Variants in DYNC1I2 observed in about 807,000 individuals in gnomAD.
The protein encoded by DYNC1I2 is dynein cytoplasmic 1 intermediate chain 2, also known as cytoplasmic dynein 1 intermediate chain 2.
In DYNC1I2, 53 loss-of-function variants were observed where a neutral mutation model predicts 88.6. That is an observed-to-expected ratio of 0.60 (90% CI 0.48 to 0.75). The LOEUF (loss-of-function observed/expected upper bound fraction) is 0.75, where lower values mean the gene tolerates loss of function less well. Ranked by LOEUF, DYNC1I2 falls within the 30% of genes least tolerant of loss-of-function variation. DYNC1I2 has a pLI of 0.00. For missense variants in DYNC1I2, 458 were observed against 766.6 expected, an observed-to-expected ratio of 0.60 and a Z score of 4.75; for synonymous variants, 198 against 254.6, an observed-to-expected ratio of 0.78 and a Z score of 2.12.
At chr2:171,743,618 T>C (rs973689645) in intron 15 of DYNC1I2, among the ~76,000 whole-genome samples, 1 of 152,184 alleles carries the variant, frequency 6.6e-6, no homozygotes, top group Non-Finnish European at 1.5e-5. Context: ...TTCCACCTGA[T>C]TTTATTTGGA....
At chr2:171,694,038 T>C (rs1033060346) in intron 3 of DYNC1I2, among the ~76,000 whole-genome samples, 1 of 151,832 alleles carries the variant, frequency 6.6e-6, no homozygotes, top group Non-Finnish European at 1.5e-5. Context: ...CATATTTCTT[T>C]CTTCTTTTTT....
intron 5 of DYNC1I2, among the ~76,000 whole-genome samples, chr2:171,709,180 C>A (rs1281462727): frequency 6.6e-6 from 1 of 152,048 alleles, no homozygotes; most frequent in East Asian, 1.9e-4. Context: ...TATGACTCAT[C>A]GTTCCTGATT....
chr2:171,735,068 G>A (rs1452733238), intron 15 of DYNC1I2, among the ~76,000 whole-genome samples: 1 of 152,136 alleles, frequency 6.6e-6, no homozygotes, highest in African/African-American at 2.4e-5. Context: ...CTCATAAATT[G>A]GAAGACTGAA....
In DYNC1I2 at chr2:171,690,654, G is replaced by GTTTT. The variant is rs1212125870; in HGVS notation, c.108+405_108+408dup. Among the ~76,000 whole-genome samples the GTTTT allele has an allele frequency of 2.1e-3, 286 of 136,054 alleles. 4 individuals are homozygous for GTTTT. Among genetic ancestry groups the GTTTT allele is most frequent in the African/African-American group, 7.2e-3 (271 of 37,380 alleles). The allele number at this position is 136,054 out of a possible 152,430, so 89.3% of individuals were successfully genotyped here. A position where few individuals can be genotyped will look rare whatever the true frequency, so the allele number is the denominator to read the frequency against. On this transcript the variant is annotated intron_variant, in intron 2 of 17. Coordinates refer to ENST00000397119, the MANE Select transcript of DYNC1I2 (RefSeq NM_001378.3). ...GCATCTGTATTTTTTTTTGTTTTGG[G>GTTTT]TTTTTTTTTTTTTTTTTGAGACTGG...
At chr2:171,746,776 G>A (rs1051117453) in intron 17 of DYNC1I2, among the ~76,000 whole-genome samples, 1 of 152,178 alleles carries the variant, frequency 6.6e-6, no homozygotes, top group African/African-American at 2.4e-5. Flanking sequence ...CATGTGGCCA[G>A]TAGCTACCCT....
At chr2:171,730,731 T>A (rs2105712472) in intron 15 of DYNC1I2, among the ~76,000 whole-genome samples, 1 of 152,316 alleles carries the variant, frequency 6.6e-6, no homozygotes, top group Non-Finnish European at 1.5e-5. Flanking sequence ...ATCTGCCTTA[T>A]CCTAAATATT....
chr2:171,711,110 C>G (rs1446769934), intron 5 of DYNC1I2, among the ~76,000 whole-genome samples: 1 of 150,328 alleles, frequency 6.7e-6, no homozygotes, highest in Non-Finnish European at 1.5e-5. Flanking sequence ...TGAGTGAGAA[C>G]ATGCGGTGTT....
chr2:171,728,959 G>A, intron 14 of DYNC1I2, 109 bp downstream of exon 14: 1 of 1,253,856 alleles, frequency 8.0e-7, no homozygotes, highest in South Asian at 1.6e-5. Flanking sequence ...TGTTATTTGT[G>A]ACAGATTTTT....
chr2:171,701,358 CG>C, intron 3 of DYNC1I2, among the ~76,000 whole-genome samples: 1 of 152,106 alleles, frequency 6.6e-6, no homozygotes, highest in South Asian at 2.1e-4. Context: ...TTGGTAGAGA[CG>C]GGGTTTCACC....
intron 3 of DYNC1I2, among the ~76,000 whole-genome samples, chr2:171,701,866 A>G (rs1466889425): frequency 3.3e-5 from 5 of 152,198 alleles, no homozygotes; most frequent in Non-Finnish European, 7.4e-5. Context: ...GCGGAATAGT[A>G]TCTTCCTCTT....
intron 15 of DYNC1I2, among the ~76,000 whole-genome samples, chr2:171,730,161 C>T (rs1232467698): frequency 6.6e-6 from 1 of 152,182 alleles, no homozygotes; most frequent in Non-Finnish European, 1.5e-5. Flanking sequence ...CGCATAGCAC[C>T]TCATACAGTT....
chr2:171,706,921 T>G (rs1686725491), intron 4 of DYNC1I2: 3 of 414,724 alleles, frequency 7.2e-6, no homozygotes, highest in Non-Finnish European at 1.3e-5. Flanking sequence ...ATTTATAATC[T>G]GGTGATATTA....
chr2:171,692,888 C>T lies in DYNC1I2; in HGVS notation c.220C>T (p.Pro74Ser). The change falls in exon 3 of 18, where the codon CCC becomes TCC. Residue 74 changes from proline (P) to serine (S), a missense_variant. Coordinates refer to ENST00000397119, the MANE Select transcript of DYNC1I2 (RefSeq NM_001378.3). ...AAGCATGGGGCTAACTCCAGAATCC[C>T]CCATTGGTAAGGTTAAGAATATATC... is the stretch of plus-strand genomic sequence containing the variant. ...LQSMGLTPESPIVFSEYWVPP... is the reference protein window; with the variant it reads ...LQSMGLTPESSIVFSEYWVPP... The T allele has an allele frequency of 6.3e-7, 1 of 1,592,104 alleles. No homozygotes were observed. The highest frequency in any genetic ancestry group is 8.6e-7 in the Non-Finnish European group (1 of 1,167,696).
intron 7 of DYNC1I2, among the ~76,000 whole-genome samples, chr2:171,721,121 TAAAAAAAAAAAA>T (rs1170082849): frequency 8.2e-5 from 5 of 60,786 alleles, no homozygotes; most frequent in East Asian, 4.6e-4. Context: ...CCCCATCTCT[TAAAAAAAAAAAA>T]AAAAAAAAAA....
intron 3 of DYNC1I2, among the ~76,000 whole-genome samples, chr2:171,697,327 T>G (rs1297667899): frequency 6.6e-6 from 1 of 152,114 alleles, no homozygotes; most frequent in East Asian, 1.9e-4. Flanking sequence ...CTTCCTAATT[T>G]TTAAAAATCT....
chr2:171,711,058 C>T (rs12612105), intron 5 of DYNC1I2, among the ~76,000 whole-genome samples: 11,040 of 144,532 alleles, frequency 0.076, 1,111 homozygotes, highest in East Asian at 0.58. Context: ...GTGATGTTCT[C>T]CTTCCTATGT....
chr2:171,735,394 A>G (rs149150533), intron 15 of DYNC1I2, among the ~76,000 whole-genome samples: 1 of 152,278 alleles, frequency 6.6e-6, no homozygotes, highest in East Asian at 1.9e-4. Context: ...AGAATTCAAA[A>G]CTTTTTGACC....
rs1422205693 is a variant in DYNC1I2, at chr2:171,748,435, C to A, written c.*546C>A. 1 of 152,094 alleles carries A rather than the reference C, an allele frequency of 6.6e-6. No homozygotes were observed. The highest frequency in any genetic ancestry group is 2.4e-5 in the African/African-American group (1 of 41,422). 9.4% of individuals were successfully genotyped at this position (152,094 alleles called of 1,614,324 possible). A position where few individuals can be genotyped will look rare whatever the true frequency, so the allele number is the denominator to read the frequency against. ...AACTTTTCAAATTTTCATTTTTACT[C>A]CTTACAACTTGAATTTTTCCATCTT... On this transcript the variant is annotated 3_prime_UTR_variant, in exon 18 of 18. Coordinates refer to ENST00000397119, the MANE Select transcript of DYNC1I2 (RefSeq NM_001378.3).
At chr2:171,739,200 G>A (rs1176078463) in intron 15 of DYNC1I2, among the ~76,000 whole-genome samples, 1 of 151,580 alleles carries the variant, frequency 6.6e-6, no homozygotes, top group Non-Finnish European at 1.5e-5. Flanking sequence ...AAAAGAAAAA[G>A]GCTTTTAATT....
Sources: gnomAD v4.1 joint callset for allele counts (sites outside exome capture counted in the v4.1 genomes callset) on GRCh38, gnomAD v4.1.1 for gene constraint, MANE v1.5 for transcripts, NCBI Gene and HGNC (gene_info 2026-07-23, HGNC 2026-07-21) for gene names.